Variants in TGS1 observed in about 807,000 individuals in gnomAD.
The protein encoded by TGS1 is trimethylguanosine synthase 1, also known as trimethylguanosine synthase.
A neutral mutation model predicts 92.2 loss-of-function variants in TGS1; 69 were observed. That is an observed-to-expected ratio of 0.75 (90% CI 0.62 to 0.91). The LOEUF (loss-of-function observed/expected upper bound fraction) is 0.91, where lower values mean the gene tolerates loss of function less well. TGS1 is among the 40% of genes least tolerant of loss of function. The pLI is 0.00. For missense variants in TGS1, 1,062 were observed against 1,001.2 expected (o/e 1.06, Z -0.82); for synonymous variants, 345 against 338.1 (o/e 1.02, Z -0.22).
chr8:55,777,904 T>A (rs60706850), intron 1 of TGS1, among the ~76,000 whole-genome samples: 95 of 4,456 alleles, frequency 0.021, 1 homozygote, highest in Middle Eastern at 0.21. Context: ...TAATTTAAAT[T>A]TTTTTTTTTT....
At position 55,795,102 on chromosome 8, in the gene TGS1, G is replaced by A. The variant is rs185231372; in HGVS notation, c.1368-876G>A. ...AGGCTAAGATCATAAAGTTTAGCAT[G>A]TAAAAAGGTTTTTAAATTCCTGGCA... On this transcript the variant is annotated intron_variant, in intron 6 of 12. Transcript: ENST00000260129. Among the ~76,000 whole-genome samples, 470 of 152,284 alleles carry A rather than the reference G, an allele frequency of 3.1e-3. 5 individuals carry two copies. Among genetic ancestry groups the A allele is most frequent in the African/African-American group, 0.01 (417 of 41,560 alleles).
intron 12 of TGS1, among the ~76,000 whole-genome samples, chr8:55,816,472 C>T (rs1802828206): frequency 6.6e-6 from 1 of 152,122 alleles, no homozygotes; most frequent in Non-Finnish European, 1.5e-5. Context: ...AGCTTCTCAT[C>T]CTTGTTTAAT....
At chr8:55,795,621 C>T (rs1429461178) in intron 6 of TGS1, among the ~76,000 whole-genome samples, 1 of 152,154 alleles carries the variant, frequency 6.6e-6, no homozygotes, top group Non-Finnish European at 1.5e-5. Flanking sequence ...CATCACCCCA[C>T]CTTGAAAATA....
In TGS1 at chr8:55,786,842, G is replaced by A. The variant is rs138233590; in HGVS notation, c.944G>A (p.Ser315Asn). The part of the protein sequence containing the change: ...DSSGTSDKDH[S>N]EILDGISNIK... ...TCTGGTACAAGTGATAAGGATCATA[G>A]TGAAATACTTGATGGAATTAGTAAC... The change falls in exon 4 of 13, where the codon AGT (serine) becomes AAT (asparagine). Residue 315 changes from serine to asparagine, a missense_variant. Coordinates refer to ENST00000260129, the MANE Select transcript of TGS1 (RefSeq NM_024831.8). 1.4e-5 allele frequency: 22 copies of A among 1,614,112 alleles called. No individual in the cohort carries two copies. The highest frequency in any genetic ancestry group is 1.8e-5 in the Non-Finnish European group (21 of 1,180,000).
rs1803326398 is a variant in TGS1, at chr8:55,811,060, G to C, written c.2323G>C (p.Glu775Gln). The change falls in exon 11 of 13, where the codon GAG becomes CAG. Residue 775 changes from glutamate (E) to glutamine (Q), a missense_variant. By Grantham distance (29) the Glu-to-Gln change is conservative. Transcript: ENST00000260129. ...GGGAGGGCCAGACTATGCCACTGCAGAGACCTTTGACATTAGAACAATGAT... is the reference window on the plus strand; with the variant it reads ...GGGAGGGCCAGACTATGCCACTGCACAGACCTTTGACATTAGAACAATGAT... ...PWGGPDYATA[E>Q]TFDIRTMMSP... The C allele has an allele frequency of 6.2e-7, 1 of 1,613,914 alleles. No homozygotes were observed. Among genetic ancestry groups the C allele is most frequent in the Non-Finnish European group, 8.5e-7 (1 of 1,180,004 alleles).
intron 5 of TGS1, among the ~76,000 whole-genome samples, chr8:55,791,700 C>T (rs1025743712): frequency 6.6e-6 from 1 of 152,180 alleles, no homozygotes; most frequent in Non-Finnish European, 1.5e-5. Context: ...TTTCATGAGG[C>T]CACCTCATTC....
chr8:55,808,438 G>A (rs1424479960), intron 10 of TGS1, among the ~76,000 whole-genome samples: 1 of 151,708 alleles, frequency 6.6e-6, no homozygotes, highest in Non-Finnish European at 1.5e-5. Context: ...AAGTAGCAAA[G>A]AAATCTGAAA....
intron 12 of TGS1, among the ~76,000 whole-genome samples, chr8:55,822,891 C>G (rs1172328081): frequency 6.6e-6 from 1 of 152,166 alleles, no homozygotes; most frequent in African/African-American, 2.4e-5. Context: ...CATAATACCA[C>G]TGAGATTACA....
At chr8:55,805,512 T>A in intron 10 of TGS1, among the ~76,000 whole-genome samples, 1 of 152,220 alleles carries the variant, frequency 6.6e-6, no homozygotes, top group South Asian at 2.1e-4. Flanking sequence ...TTCATGCCCA[T>A]AATTCTAGCA....
intron 12 of TGS1, among the ~76,000 whole-genome samples, chr8:55,822,773 A>G (rs1459577716): frequency 6.6e-6 from 1 of 152,120 alleles, no homozygotes; most frequent in African/African-American, 2.4e-5. Flanking sequence ...ATAATAAGGT[A>G]CCATAGAATG....
At chr8:55,804,807 G>T in intron 9 of TGS1, 86 bp from the exon 10 acceptor site, 1 of 1,130,520 alleles carries the variant, frequency 8.8e-7, no homozygotes, top group Non-Finnish European at 1.3e-6. Flanking sequence ...TTAAAAGTAT[G>T]TAAGATATAG....
In TGS1 at chr8:55,773,674, G is replaced by A. The variant is rs775160989; in HGVS notation, c.56G>A (p.Arg19Gln). ...GAAATGTTTCTCTTCATTGAGGAGC[G>A]GGAGGATTGTAAGATACTGTGCCTT... ...VAEMFLFIEE[R>Q]EDCKILCLCS... The change falls in exon 1 of 13, where the codon CGG becomes CAG. Residue 19 changes from arginine to glutamine, a missense_variant. Transcript: ENST00000260129. The A allele has an allele frequency of 1.9e-6, 3 of 1,611,226 alleles. No individual in the cohort carries two copies. Among genetic ancestry groups the A allele is most frequent in the Non-Finnish European group, 1.7e-6 (2 of 1,178,938 alleles).
At chr8:55,824,556 G>C (rs749753816) in intron 12 of TGS1, 25 bp from the exon 13 acceptor site, 3 of 1,613,752 alleles carry the variant, frequency 1.9e-6, no homozygotes, top group Non-Finnish European at 2.5e-6. Flanking sequence ...GTGTGTGTGT[G>C]ACTTTCTTCT....
At chr8:55,782,961 T>C in intron 2 of TGS1, 149 bp downstream of exon 2, 1 of 597,008 alleles carries the variant, frequency 1.7e-6, no homozygotes, top group South Asian at 2.4e-5. Flanking sequence ...TTTTATTTTC[T>C]TTTATAACAT....
At chr8:55,793,579 GT>G (rs766196161) in intron 6 of TGS1, among the ~76,000 whole-genome samples, 2,005 of 151,816 alleles carry the variant, frequency 0.013, 41 homozygotes, top group African/African-American at 0.046. Flanking sequence ...GTTTTGTTTT[GT>G]TTTTTGAGAC....
intron 7 of TGS1, among the ~76,000 whole-genome samples, chr8:55,797,229 G>A (rs1812083503): frequency 6.6e-6 from 1 of 152,142 alleles, no homozygotes; most frequent in Non-Finnish European, 1.5e-5. Context: ...TCTTCACATG[G>A]CAGCTAGAGA....
At chr8:55,789,643 G>A (rs972412955) in intron 4 of TGS1, among the ~76,000 whole-genome samples, 21 of 152,224 alleles carry the variant, frequency 1.4e-4, no homozygotes, top group African/African-American at 3.1e-4. Context: ...AACGATTCTC[G>A]AATCAGGCAG....
intron 12 of TGS1, among the ~76,000 whole-genome samples, chr8:55,814,020 T>C (rs1803405742): frequency 6.6e-6 from 1 of 152,166 alleles, no homozygotes. Context: ...CAAACACGGC[T>C]CACTGCAGCC....
chr8:55,793,046 A>C (rs536490843), intron 6 of TGS1, among the ~76,000 whole-genome samples: 1 of 152,322 alleles, frequency 6.6e-6, no homozygotes, highest in South Asian at 2.1e-4. Context: ...CTTTGACTTT[A>C]CTGGAGAGGG....
Sources: gnomAD v4.1 joint callset for allele counts (sites outside exome capture counted in the v4.1 genomes callset) on GRCh38, gnomAD v4.1.1 for gene constraint, MANE v1.5 for transcripts, NCBI Gene and HGNC (gene_info 2026-07-23, HGNC 2026-07-21) for gene names.